CUEDC1: variants seen among roughly 807,000 people sequenced by gnomAD.
CUEDC1 encodes the protein CUE domain containing 1.
CUEDC1 carries 30 observed loss-of-function variants against 43.7 expected under a neutral mutation model. That is an observed-to-expected ratio of 0.69 (90% CI 0.51 to 0.93). The LOEUF (loss-of-function observed/expected upper bound fraction) is 0.93. Ranked by LOEUF, CUEDC1 falls within the 40% of genes least tolerant of loss-of-function variation. The pLI, the probability that CUEDC1 is intolerant of heterozygous loss-of-function variation, is 0.00. For missense variants in CUEDC1, 486 were observed against 549.0 expected, an observed-to-expected ratio of 0.89 and a Z score of 1.15; for synonymous variants, 223 against 223.6, an observed-to-expected ratio of 1.00 and a Z score of 0.02.
chr17:57,935,641 C>T (rs1425782923), intron 1 of CUEDC1, among the ~76,000 whole-genome samples: 1 of 152,072 alleles, frequency 6.6e-6, no homozygotes, highest in African/African-American at 2.4e-5. Flanking sequence ...AACTGAAAGG[C>T]TTCCACAGGG....
chr17:57,946,220 A>T (rs2074958713), intron 1 of CUEDC1, among the ~76,000 whole-genome samples: 1 of 152,210 alleles, frequency 6.6e-6, no homozygotes, highest in African/African-American at 2.4e-5. Flanking sequence ...AGATTCCTCC[A>T]GGAGCCAACC....
intron 5 of CUEDC1, among the ~76,000 whole-genome samples, chr17:57,871,575 A>G (rs1356429957): frequency 6.6e-6 from 1 of 152,198 alleles, no homozygotes; most frequent in Non-Finnish European, 1.5e-5. Context: ...GCCATCTCAA[A>G]TGTCAGAATT....
At chr17:57,919,688 C>T (rs1305549917) in intron 1 of CUEDC1, among the ~76,000 whole-genome samples, 2 of 152,162 alleles carry the variant, frequency 1.3e-5, no homozygotes, top group Non-Finnish European at 2.9e-5. Flanking sequence ...AGACCTGAAA[C>T]CTGGGTGTAA....
At chr17:57,917,527 A>ATACT (rs1235143821) in intron 1 of CUEDC1, among the ~76,000 whole-genome samples, 2 of 152,186 alleles carry the variant, frequency 1.3e-5, no homozygotes, top group Admixed American at 1.3e-4. Context: ...GATAACAATA[A>ATACT]TACTTACTGA....
chr17:57,919,966 G>A (rs1598009954), intron 1 of CUEDC1, among the ~76,000 whole-genome samples: 1 of 152,070 alleles, frequency 6.6e-6, no homozygotes, highest in East Asian at 1.9e-4. Context: ...AACATTTATC[G>A]AGCGCTCACT....
intron 1 of CUEDC1, among the ~76,000 whole-genome samples, chr17:57,899,603 C>T (rs1353224108): frequency 6.6e-6 from 1 of 152,158 alleles, no homozygotes; most frequent in Non-Finnish European, 1.5e-5. Context: ...AGCTCACATG[C>T]CTGCATGTGC....
intron 1 of CUEDC1, among the ~76,000 whole-genome samples, chr17:57,888,144 C>T (rs1394444788): frequency 1.3e-5 from 2 of 152,002 alleles, no homozygotes; most frequent in Non-Finnish European, 2.9e-5. Context: ...CTCAAGTGAT[C>T]CACCTGCCTC....
intron 2 of CUEDC1, among the ~76,000 whole-genome samples, chr17:57,884,753 C>T (rs2074264153): frequency 6.6e-6 from 1 of 152,240 alleles, no homozygotes; most frequent in Non-Finnish European, 1.5e-5. Context: ...GCTTCCACGT[C>T]TCCATCGAGC....
At chr17:57,863,354 G>GT (rs1260995986) in intron 10 of CUEDC1, 69 bp from the exon 11 acceptor site, 1 of 152,296 alleles carries the variant, frequency 6.6e-6, no homozygotes, top group Non-Finnish European at 1.5e-5. Flanking sequence ...CTGGTCACTG[G>GT]TTCCTGGAGA....
At chr17:57,920,403 G>T (rs1258240087) in intron 1 of CUEDC1, among the ~76,000 whole-genome samples, 1 of 152,036 alleles carries the variant, frequency 6.6e-6, no homozygotes. Flanking sequence ...TACTATGTTT[G>T]CTTTCTCCAT....
rs145360520 is a variant in CUEDC1 at position 57,907,620 on chromosome 17, C to T, written c.-315-21741G>A. On this transcript the variant is annotated intron_variant, in intron 1 of 10. Transcript: ENST00000577830. ...CAGAACTTTGGGAGGCCAAGGCAGG[C>T]GGATCACTTGAGGTCAGGAGTTCGA... 4.3e-3 allele frequency among the ~76,000 whole-genome samples: 652 copies of T among 152,166 alleles called. 7 individuals are homozygous for T. The highest frequency in any genetic ancestry group is 0.015 in the African/African-American group (618 of 41,514).
intron 1 of CUEDC1, among the ~76,000 whole-genome samples, chr17:57,943,621 G>C (rs1481070486): frequency 6.6e-6 from 1 of 152,078 alleles, no homozygotes; most frequent in Non-Finnish European, 1.5e-5. Flanking sequence ...GGAATTTAAA[G>C]ATAAGTTCCC....
rs1597960644 is a variant in CUEDC1 at position 57,861,851 on chromosome 17, G to A, written c.*1438C>T. The A allele has an allele frequency of 6.6e-6, 1 of 151,754 alleles. No homozygotes were observed. Among genetic ancestry groups the A allele is most frequent in the East Asian group, 2.0e-4 (1 of 5,118 alleles). The allele number at this position is 151,754 out of a possible 1,614,324, so 9.4% of individuals were successfully genotyped here. A position where few individuals can be genotyped will look rare whatever the true frequency, so the allele number is the denominator to read the frequency against. On this transcript the variant is annotated 3_prime_UTR_variant, in exon 11 of 11. Coordinates refer to ENST00000577830, the MANE Select transcript of CUEDC1 (RefSeq NM_001271875.2). Reference sequence around the variant, plus strand: ...CCCAGGCCTGGCGCGGGGAGCAGCGGAGGGGGCGACCGCTCCTCGGCAGGG... The same window carrying A: ...CCCAGGCCTGGCGCGGGGAGCAGCGAAGGGGGCGACCGCTCCTCGGCAGGG...
intron 1 of CUEDC1, among the ~76,000 whole-genome samples, chr17:57,927,002 A>G (rs575848880): frequency 6.6e-5 from 10 of 152,318 alleles, no homozygotes; most frequent in African/African-American, 2.4e-4. Flanking sequence ...AAAGAGGCCC[A>G]GATGAAAGGG....
intron 1 of CUEDC1, among the ~76,000 whole-genome samples, chr17:57,941,309 T>C (rs1031780375): frequency 6.6e-6 from 1 of 152,236 alleles, no homozygotes; most frequent in African/African-American, 2.4e-5. Context: ...GAGAAGTCAT[T>C]ATTCTGTCAG....
At chr17:57,938,466 T>G (rs1598022613) in intron 1 of CUEDC1, among the ~76,000 whole-genome samples, 1 of 152,020 alleles carries the variant, frequency 6.6e-6, no homozygotes, top group African/African-American at 2.4e-5. Context: ...ATCCTTCCCA[T>G]GCCCCTTTAG....
At chr17:57,950,469 A>ATT (rs1236161341) in intron 1 of CUEDC1, among the ~76,000 whole-genome samples, 3 of 142,984 alleles carry the variant, frequency 2.1e-5, no homozygotes, top group African/African-American at 5.2e-5. Flanking sequence ...TTATTTTTTT[A>ATT]TTTATTTATT....
intron 1 of CUEDC1, among the ~76,000 whole-genome samples, chr17:57,899,369 C>G (rs952103237): frequency 6.6e-6 from 1 of 152,214 alleles, no homozygotes; most frequent in Non-Finnish European, 1.5e-5. Context: ...TGCCCAGGTC[C>G]CCTCTCCTGC....
intron 8 of CUEDC1, chr17:57,867,729 G>A (rs1447357062): frequency 2.0e-6 from 1 of 502,952 alleles, no homozygotes; most frequent in Admixed American, 3.2e-5. Context: ...CTGATAAAAA[G>A]GTGGAAAGCC....
Sources: allele counts gnomAD v4.1 joint callset (sites outside exome capture counted in the v4.1 genomes callset), GRCh38; gene constraint gnomAD v4.1.1; transcripts MANE v1.5; gene names NCBI Gene and HGNC (gene_info 2026-07-23, HGNC 2026-07-21).